AGK: variants seen among roughly 807,000 people sequenced by gnomAD.
AGK encodes acylglycerol kinase, also known as acylglycerol kinase, mitochondrial.
AGK carries 52 observed loss-of-function variants against 66.4 expected under a neutral mutation model. The observed-to-expected ratio is 0.78, with a 90% CI of 0.63 to 0.99. AGK has a LOEUF of 0.99. Among genes scored for constraint, AGK ranks in the 50% least tolerant of loss-of-function variants. AGK has a pLI of 0.00. For missense variants in AGK, 451 were observed against 506.6 expected, an observed-to-expected ratio of 0.89 and a Z score of 1.05; for synonymous variants, 182 against 181.1, an observed-to-expected ratio of 1.00 and a Z score of -0.04.
intron 5 of AGK, among the ~76,000 whole-genome samples, chr7:141,602,100 G>T (rs1474934685): frequency 6.6e-6 from 1 of 151,752 alleles, no homozygotes; most frequent in Non-Finnish European, 1.5e-5. Context: ...ACTGATGTTT[G>T]TTTCTTCAAT....
chr7:141,614,469 G>A (rs1796663903), intron 7 of AGK, among the ~76,000 whole-genome samples: 1 of 151,714 alleles, frequency 6.6e-6, no homozygotes, highest in Non-Finnish European at 1.5e-5. Flanking sequence ...AGAAATTGTG[G>A]CATATTCATA....
At chr7:141,568,449 A>G (rs953385432) in intron 2 of AGK, among the ~76,000 whole-genome samples, 2 of 152,096 alleles carry the variant, frequency 1.3e-5, no homozygotes, top group Non-Finnish European at 2.9e-5. Flanking sequence ...AGCAGTTAAC[A>G]ATAGCTTGGC....
At chr7:141,627,654 T>C (rs1208357639) in intron 9 of AGK, among the ~76,000 whole-genome samples, 1 of 152,210 alleles carries the variant, frequency 6.6e-6, no homozygotes, top group Non-Finnish European at 1.5e-5. Flanking sequence ...TCTTTTAGCA[T>C]ATAATAAAGC....
intron 8 of AGK, among the ~76,000 whole-genome samples, chr7:141,616,612 CAT>C (rs1356939694): frequency 1.3e-5 from 2 of 152,128 alleles, no homozygotes; most frequent in East Asian, 1.9e-4. Flanking sequence ...GGCATACACA[CAT>C]ATATATATGT....
In AGK at chr7:141,652,515, G is replaced by T. The variant is rs6975566; in HGVS notation, c.1132-272G>T. ...CATATTTGAAAATTATAACCATGTT[G>T]TTCAAATCCCAAAATACTCTGGGAG... On this transcript the variant is annotated intron_variant, in intron 15 of 15. Transcript: ENST00000649286. 2.0e-3 allele frequency: 599 copies of T among 297,416 alleles called. 3 individuals are homozygous for T. The highest frequency in any genetic ancestry group is 0.012 in the African/African-American group (569 of 48,004). The allele number at this position is 297,416 out of a possible 1,614,324, so 18.4% of individuals were successfully genotyped here. A position where few individuals can be genotyped will look rare whatever the true frequency, so the allele number is the denominator to read the frequency against.
chr7:141,612,049 A>G (rs1168515242), intron 6 of AGK, among the ~76,000 whole-genome samples: 1 of 152,238 alleles, frequency 6.6e-6, no homozygotes, highest in Non-Finnish European at 1.5e-5. Context: ...CATTATTCAT[A>G]ATTACCAAAT....
rs116180100 is a variant in AGK at position 141,647,431 on chromosome 7, C to T, written c.976-1832C>T. Among the ~76,000 whole-genome samples, 670 of 152,240 alleles carry T rather than the reference C, an allele frequency of 4.4e-3. 7 individuals are homozygous for T. The highest frequency in any genetic ancestry group is 0.014 in the African/African-American group (571 of 41,530). On this transcript the variant is annotated intron_variant, in intron 13 of 15. Coordinates refer to ENST00000649286, the MANE Select transcript of AGK (RefSeq NM_018238.4). ...GCTCTGCTCCAGCTACACGGGCTTC[C>T]TTGCTGTTCCCTGCTGTCAGACATG...
intron 5 of AGK, among the ~76,000 whole-genome samples, chr7:141,609,106 G>A (rs1796522499): frequency 6.6e-6 from 1 of 152,116 alleles, no homozygotes; most frequent in Non-Finnish European, 1.5e-5. Flanking sequence ...GTATTTTAAG[G>A]AGTCTTCCTT....
intron 8 of AGK, among the ~76,000 whole-genome samples, chr7:141,616,987 G>A (rs1383775569): frequency 6.6e-6 from 1 of 151,918 alleles, no homozygotes; most frequent in East Asian, 1.9e-4. Flanking sequence ...TCGATCTCCT[G>A]ACCTCGTGAT....
intron 9 of AGK, among the ~76,000 whole-genome samples, chr7:141,632,041 C>A (rs942759617): frequency 6.6e-6 from 1 of 151,992 alleles, no homozygotes; most frequent in African/African-American, 2.4e-5. Context: ...CCAGCCTGGT[C>A]AACATGGTGA....
chr7:141,620,502 C>G (rs907389512), intron 8 of AGK, among the ~76,000 whole-genome samples: 9 of 145,824 alleles, frequency 6.2e-5, no homozygotes, highest in Non-Finnish European at 1.4e-4. Context: ...ATAGGGCAAA[C>G]TGCTGCCCCC....
chr7:141,615,196 C>T (rs1796679094), intron 7 of AGK, among the ~76,000 whole-genome samples: 3 of 152,310 alleles, frequency 2.0e-5, no homozygotes, highest in Middle Eastern at 3.4e-3. Context: ...ATCTTCAAAA[C>T]CCTCATTATC....
intron 4 of AGK, chr7:141,599,128 T>C (rs1796288453): frequency 6.6e-6 from 1 of 152,178 alleles, no homozygotes; most frequent in Non-Finnish European, 1.5e-5. Flanking sequence ...TTTTTTTCTT[T>C]TAAAAGCTTT....
At position 141,596,631 on chromosome 7, in the gene AGK, G is replaced by T; in HGVS notation, c.211G>T (p.Ala71Ser). 1 of 1,613,908 alleles carries T rather than the reference G, an allele frequency of 6.2e-7. No individual in the cohort carries two copies. Among genetic ancestry groups the T allele is most frequent in the Non-Finnish European group, 8.5e-7 (1 of 1,179,864 alleles). ...GGCCACTGTTTTTCTCAATCCTGCAGCTTGCAAAGGGTAGTTCCGTTTGTG... is the reference window on the plus strand; with the variant it reads ...GGCCACTGTTTTTCTCAATCCTGCATCTTGCAAAGGGTAGTTCCGTTTGTG... ...KKATVFLNPA[A>S]CKGKARTLFE... The change falls in exon 4 of 16, where the codon GCT becomes TCT. Residue 71 changes from alanine (A) to serine (S), a missense_variant. By Grantham distance (99) the Ala-to-Ser change is moderately conservative. Coordinates refer to ENST00000649286, the MANE Select transcript of AGK (RefSeq NM_018238.4).
At position 141,551,454 on chromosome 7, in the gene AGK, G is replaced by T. The variant is rs1228562449; in HGVS notation, c.-15+20G>T. 6.5e-6 allele frequency: 1 copy of T among 152,940 alleles called. No homozygotes were observed. The highest frequency in any genetic ancestry group is 2.4e-5 in the African/African-American group (1 of 41,376). The allele number at this position is 152,940 out of a possible 1,614,324, so 9.5% of individuals were successfully genotyped here. ...GCCGTGGTGAGTGCAGCGGCGCCCA[G>T]GCGGGGAGCGCAGTGCGGGTCGCTG... On this transcript the variant is annotated intron_variant, in intron 1 of 15. Coordinates refer to ENST00000649286, the MANE Select transcript of AGK (RefSeq NM_018238.4).
At chr7:141,649,156 C>A in intron 13 of AGK, 107 bp from the exon 14 acceptor site, 1 of 603,606 alleles carries the variant, frequency 1.7e-6, no homozygotes. Flanking sequence ...GTAGAGTCCC[C>A]TATCTATATA....
rs549225073 is a variant in AGK, at chr7:141,601,122, G to T, written c.222-83G>T. The T allele has an allele frequency of 1.1e-5, 11 of 1,006,346 alleles. No homozygotes were observed. In the East Asian group the frequency reaches 2.5e-4, roughly 23 times the overall value. The allele number at this position is 1,006,346 out of a possible 1,614,324, so 62.3% of individuals were successfully genotyped here. ...CGTATTGCATAGTCTTTCTTATTCT[G>T]CCCTGAAGAAGATTGTAAGGCTTTT... On this transcript the variant is annotated intron_variant, in intron 4 of 15. Coordinates refer to ENST00000649286, the MANE Select transcript of AGK (RefSeq NM_018238.4).
intron 2 of AGK, among the ~76,000 whole-genome samples, chr7:141,563,579 C>A (rs1795399148): frequency 6.6e-6 from 1 of 152,334 alleles, no homozygotes; most frequent in South Asian, 2.1e-4. Context: ...TTGACTTCTT[C>A]TGTATCTGTG....
chr7:141,553,872 C>T (rs1289997297), intron 1 of AGK, among the ~76,000 whole-genome samples: 33 of 151,888 alleles, frequency 2.2e-4, no homozygotes, highest in Admixed American at 2.2e-3. Context: ...TAAGTGGAAA[C>T]AGTTTTTTTT....
Sources: allele counts gnomAD v4.1 joint callset (sites outside exome capture counted in the v4.1 genomes callset), GRCh38; gene constraint gnomAD v4.1.1; transcripts MANE v1.5; gene names NCBI Gene and HGNC (gene_info 2026-07-23, HGNC 2026-07-21).